CAMTA1: variants seen among roughly 807,000 people sequenced by gnomAD.
The protein encoded by CAMTA1 is calmodulin-binding transcription activator 1.
In CAMTA1, 27 loss-of-function variants were observed where a neutral mutation model predicts 170.9. The observed-to-expected ratio is 0.16, with a 90% CI of 0.12 to 0.22. The LOEUF is 0.22. CAMTA1 is among the 10% of genes least tolerant of loss of function. The probability of loss-of-function intolerance (pLI) is 1.00; values close to 1 mark genes in which losing one functional copy is unlikely to be tolerated. For synonymous variants in CAMTA1, 833 were observed against 891.5 expected, an observed-to-expected ratio of 0.93 and a Z score of 1.17; for missense variants, 1,619 against 2,217.2, an observed-to-expected ratio of 0.73 and a Z score of 5.42.
chr1:6,876,650 G>A (rs1669989958), intron 3 of CAMTA1, among the ~76,000 whole-genome samples: 1 of 152,144 alleles, frequency 6.6e-6, no homozygotes, highest in Admixed American at 6.5e-5. Flanking sequence ...GTGGTGAGCT[G>A]CTGCGCCTGG....
intron 1 of CAMTA1, among the ~76,000 whole-genome samples, chr1:6,818,461 G>C (rs1397055604): frequency 6.6e-6 from 1 of 152,118 alleles, no homozygotes; most frequent in Non-Finnish European, 1.5e-5. Flanking sequence ...TTTTGTATTT[G>C]GGTGGTACCT....
At chr1:7,594,308 C>T (rs911385558) in intron 6 of CAMTA1, among the ~76,000 whole-genome samples, 1 of 151,936 alleles carries the variant, frequency 6.6e-6, no homozygotes, top group African/African-American at 2.4e-5. Flanking sequence ...CTTTTAAGGA[C>T]CTAGGGGAAG....
At chr1:7,102,065 CACACAG>C (rs1426989028) in intron 4 of CAMTA1, among the ~76,000 whole-genome samples, 39 of 118,224 alleles carry the variant, frequency 3.3e-4, no homozygotes, top group South Asian at 1.6e-3. Context: ...CACACACACA[CACACAG>C]CTTCCTGTAT....
chr1:7,126,919 C>T (rs998202286), intron 4 of CAMTA1, among the ~76,000 whole-genome samples: 9 of 152,248 alleles, frequency 5.9e-5, no homozygotes, highest in Admixed American at 1.3e-4. Context: ...TACAGGCGCC[C>T]GCCACCATGC....
intron 1 of CAMTA1, chr1:6,807,155 C>G: frequency 1.3e-5 from 6 of 454,584 alleles, no homozygotes; most frequent in Middle Eastern, 2.9e-4. Context: ...CTTGAGAGCT[C>G]TGGAGGAAAA....
At chr1:6,807,276 A>C (rs567261912) in intron 1 of CAMTA1, among the ~76,000 whole-genome samples, 1 of 152,322 alleles carries the variant, frequency 6.6e-6, no homozygotes, top group East Asian at 1.9e-4. Flanking sequence ...CACTTTTGGG[A>C]AAGAGTATCT....
chr1:7,223,740 A>G (rs953973829), intron 4 of CAMTA1, among the ~76,000 whole-genome samples: 1 of 152,338 alleles, frequency 6.6e-6, no homozygotes. Context: ...TTGCTAAGCA[A>G]TCTTCCCAGC....
intron 11 of CAMTA1, chr1:7,694,411 A>G (rs917224722): frequency 3.3e-5 from 5 of 152,360 alleles, no homozygotes; most frequent in African/African-American, 9.6e-5. Context: ...TAACTAAATT[A>G]CAGATCAGTC....
intron 5 of CAMTA1, among the ~76,000 whole-genome samples, chr1:7,373,478 C>G (rs527912334): frequency 2.8e-4 from 42 of 152,192 alleles, no homozygotes; most frequent in Non-Finnish European, 5.3e-4. Flanking sequence ...CGCCTCTCCC[C>G]TACTCGGGGG....
chr1:7,729,018 T>C (rs2096712335), intron 11 of CAMTA1, among the ~76,000 whole-genome samples: 1 of 152,172 alleles, frequency 6.6e-6, no homozygotes, highest in Non-Finnish European at 1.5e-5. Flanking sequence ...AGTTGTGCAA[T>C]TGGAAGGAAG....
Position 7,216,119 on chromosome 1 carries a change from C to T in CAMTA1, c.303-33372C>T, listed in dbSNP as rs1659703894. On this transcript the variant is annotated intron_variant, in intron 4 of 22. Coordinates refer to ENST00000303635, the MANE Select transcript of CAMTA1 (RefSeq NM_015215.4). The surrounding 1 kb of genome is among the most constrained non-coding windows in gnomAD (Gnocchi z 4.0). Reference sequence around the variant, plus strand: ...ATCATGGCAGAAGGCGAAGGGGAAGCCCGCGTGTCCTGCGTGGCTGGAGCA... The same window carrying T: ...ATCATGGCAGAAGGCGAAGGGGAAGTCCGCGTGTCCTGCGTGGCTGGAGCA... Among the ~76,000 whole-genome samples the T allele has an allele frequency of 6.6e-6, 1 of 152,160 alleles. No individual in the cohort carries two copies. The highest frequency in any genetic ancestry group is 1.5e-5 in the Non-Finnish European group (1 of 68,024).
At chr1:7,701,269 G>A (rs1189537866) in intron 11 of CAMTA1, among the ~76,000 whole-genome samples, 1 of 152,200 alleles carries the variant, frequency 6.6e-6, no homozygotes, top group Non-Finnish European at 1.5e-5. Flanking sequence ...GCAGCAGCGT[G>A]AGTGCCTGGC....
At chr1:7,646,758 TG>T (rs1204014205) in intron 7 of CAMTA1, among the ~76,000 whole-genome samples, 1 of 149,040 alleles carries the variant, frequency 6.7e-6, no homozygotes, top group Non-Finnish European at 1.5e-5. Context: ...GTGAGTGGGG[TG>T]GAGGCCACAG....
intron 4 of CAMTA1, among the ~76,000 whole-genome samples, chr1:7,116,337 C>G (rs1052047481): frequency 6.6e-6 from 1 of 152,202 alleles, no homozygotes. Flanking sequence ...TATGGACTTA[C>G]CAATCTTTCG....
Position 7,238,808 on chromosome 1 carries a change from G to A in CAMTA1, c.303-10683G>A, listed in dbSNP as rs142463152. On this transcript the variant is annotated intron_variant, in intron 4 of 22. Transcript: ENST00000303635. Reference sequence around the variant, plus strand: ...TGAGGCAGGAGAATTGCTTGAACCCGGGAGGTGCAAGTTGCAGTGAGCCAA... The same window carrying A: ...TGAGGCAGGAGAATTGCTTGAACCCAGGAGGTGCAAGTTGCAGTGAGCCAA... Among the ~76,000 whole-genome samples the A allele has an allele frequency of 9.5e-3, 1,440 of 152,270 alleles. 14 individuals are homozygous for A. The highest frequency in any genetic ancestry group is 0.031 in the African/African-American group (1,286 of 41,546).
At chr1:7,400,776 A>C (rs2089838088) in intron 5 of CAMTA1, among the ~76,000 whole-genome samples, 1 of 152,196 alleles carries the variant, frequency 6.6e-6, no homozygotes, top group Admixed American at 6.5e-5. Context: ...TGAGTACCTC[A>C]GTGGCCTAGG....
chr1:7,535,051 G>A (rs2094533092), intron 6 of CAMTA1, among the ~76,000 whole-genome samples: 1 of 152,186 alleles, frequency 6.6e-6, no homozygotes, highest in Non-Finnish European at 1.5e-5. Context: ...GCTGGGATGT[G>A]GACACCACAG....
At chr1:7,157,300 G>A (rs1233729866) in intron 4 of CAMTA1, among the ~76,000 whole-genome samples, 3 of 128,988 alleles carry the variant, frequency 2.3e-5, no homozygotes, top group Non-Finnish European at 4.6e-5. Context: ...AGCTGAGATC[G>A]CTCCACTGCA....
chr1:7,307,259 T>C (rs1301867749), intron 5 of CAMTA1, among the ~76,000 whole-genome samples: 2 of 152,050 alleles, frequency 1.3e-5, no homozygotes, highest in Non-Finnish European at 2.9e-5. Flanking sequence ...ATTGCTAGTA[T>C]ATAAAAATAC....
Sources: allele counts gnomAD v4.1 joint callset (sites outside exome capture counted in the v4.1 genomes callset), GRCh38; gene constraint gnomAD v4.1.1; non-coding constraint Gnocchi (gnomAD v3.1); transcripts MANE v1.5; gene names NCBI Gene and HGNC (gene_info 2026-07-23, HGNC 2026-07-21).